The following C3orf22 variants were observed in gnomAD, a reference collection of about 807,000 sequenced individuals.
The protein encoded by C3orf22 is chromosome 3 open reading frame 22, also known as uncharacterized protein C3orf22.
Under a neutral mutation model 10.8 loss-of-function variants are expected in C3orf22, and 7 were observed. That is an observed-to-expected ratio of 0.65 (90% confidence interval 0.37 to 1.22). The LOEUF (loss-of-function observed/expected upper bound fraction) is 1.22. Among genes scored for constraint, C3orf22 ranks in the 50% most tolerant of loss-of-function variants. The probability of loss-of-function intolerance (pLI) is 0.02; values close to 1 mark genes in which losing one functional copy is unlikely to be tolerated. For synonymous variants in C3orf22, 79 were observed against 78.9 expected (o/e 1.00, Z 0.00); for missense variants, 173 against 177.0 (o/e 0.98, Z 0.13).
At chr3:126,529,872 C>A (rs1936615305) in intron 4 of C3orf22, among the ~76,000 whole-genome samples, 1 of 152,372 alleles carries the variant, frequency 6.6e-6, no homozygotes, top group East Asian at 1.9e-4. Context: ...CTGGGATGGG[C>A]CCTCCTGGGC....
At chr3:126,529,702 C>T (rs1184445710) in intron 4 of C3orf22, among the ~76,000 whole-genome samples, 1 of 152,168 alleles carries the variant, frequency 6.6e-6, no homozygotes, top group African/African-American at 2.4e-5. Flanking sequence ...GCCCTGTCGT[C>T]CATCACTGTC....
At chr3:126,553,248 TG>T in intron 2 of C3orf22, 53 bp downstream of exon 2, 1 of 1,271,660 alleles carries the variant, frequency 7.9e-7, no homozygotes, top group Non-Finnish European at 1.2e-6. Flanking sequence ...CCCAGGATGC[TG>T]GGGTGACCTG....
At chr3:126,542,421 GGCCGCCGCGGCCCCGGGGA>G in intron 4 of C3orf22, 1 of 1,550,776 alleles carries the variant, frequency 6.4e-7, no homozygotes, top group Non-Finnish European at 8.7e-7. Flanking sequence ...AGCTTCCCTG[GGCCGCCGCGGCCCCGGGGA>G]GCCGCCGCCT....
downstream of C3orf22, among the ~76,000 whole-genome samples, chr3:126,544,712 A>G (rs1410499785): frequency 6.6e-6 from 1 of 152,156 alleles, no homozygotes; most frequent in Non-Finnish European, 1.5e-5. Context: ...TCACAATTAG[A>G]TGTGCCCTGC....
chr3:126,555,132 G>A (rs1455114689), intron 1 of C3orf22, among the ~76,000 whole-genome samples: 1 of 152,192 alleles, frequency 6.6e-6, no homozygotes, highest in Non-Finnish European at 1.5e-5. Flanking sequence ...GCTTCCCTGG[G>A]TGTGGTTCTA....
At chr3:126,550,106 G>A (rs766184972) in intron 3 of C3orf22, 28 bp from the exon 4 acceptor site, 2 of 1,611,898 alleles carry the variant, frequency 1.2e-6, no homozygotes, top group East Asian at 2.2e-5. Context: ...AGCCACGCCT[G>A]GCCTTCAGGA....
chr3:126,553,366 A>G lies in C3orf22; in HGVS notation c.25T>C (p.Ser9Pro). Residue 9 changes from serine (S) to proline (P), a missense_variant, in exon 2 of 4, where the codon TCT (serine) becomes CCT (proline). Physicochemically the swap from Ser to Pro is moderately conservative, Grantham distance 74 (BLOSUM62 -1). Coordinates refer to ENST00000318225, the MANE Select transcript of C3orf22 (RefSeq NM_152533.3). ...ATCCTCCACTTCTTACTCTGGTGAG[A>G]CTTCTTGCAGGCACTGGAGTCCATC... MDSSACKK[S>P]HQSKKWRIQA... 1 of 1,613,640 alleles carries G rather than the reference A, an allele frequency of 6.2e-7. No individual in the cohort carries two copies. The highest frequency in any genetic ancestry group is 8.5e-7 in the Non-Finnish European group (1 of 1,179,964).
chr3:126,544,219 G>T (rs1169960578), intron 4 of C3orf22, among the ~76,000 whole-genome samples: 1 of 152,104 alleles, frequency 6.6e-6, no homozygotes, highest in Non-Finnish European at 1.5e-5. Context: ...CAGACCTGAG[G>T]TAGTGTACTC....
At chr3:126,542,885 T>C (rs1424737549) in intron 4 of C3orf22, 4 of 257,412 alleles carry the variant, frequency 1.6e-5, no homozygotes, top group African/African-American at 4.5e-5. Context: ...TTTTAGGCTT[T>C]TAAAGGCCAT....
intron 4 of C3orf22, among the ~76,000 whole-genome samples, chr3:126,531,292 G>A (rs72982012): frequency 0.12 from 18,255 of 152,260 alleles, 1,699 homozygotes; most frequent in African/African-American, 0.26. Flanking sequence ...GTTTGGGAAT[G>A]ACTGCCCTAG....
intron 1 of C3orf22, among the ~76,000 whole-genome samples, chr3:126,554,695 T>G (rs1937286214): frequency 6.6e-6 from 1 of 152,158 alleles, no homozygotes. Flanking sequence ...CTGGTGTGTT[T>G]TCATGGTAGC....
intron 5 of C3orf22, among the ~76,000 whole-genome samples, chr3:126,528,521 G>C (rs970607239): frequency 8.5e-5 from 13 of 152,178 alleles, no homozygotes; most frequent in Admixed American, 7.8e-4. Flanking sequence ...TGGGTTTAGA[G>C]ATCACCAAGG....
intron 1 of C3orf22, among the ~76,000 whole-genome samples, chr3:126,556,846 C>A (rs1234141080): frequency 7.2e-6 from 1 of 138,282 alleles, no homozygotes; most frequent in East Asian, 2.1e-4. Context: ...CACACAGACA[C>A]CCCCCACACA....
At chr3:126,545,689 A>G (rs573179907), downstream of C3orf22, among the ~76,000 whole-genome samples, 21 of 152,228 alleles carry the variant, frequency 1.4e-4, no homozygotes, top group Non-Finnish European at 2.6e-4. Context: ...GTGTGTCACC[A>G]GCACACTCCA....
downstream of C3orf22, among the ~76,000 whole-genome samples, chr3:126,544,907 G>A (rs1048625065): frequency 6.6e-6 from 1 of 152,198 alleles, no homozygotes; most frequent in Non-Finnish European, 1.5e-5. Flanking sequence ...GTATGTGCAG[G>A]GCCACAGCCC....
chr3:126,552,272 G>T, intron 2 of C3orf22, 150 bp from the exon 3 acceptor site: 2 of 1,273,240 alleles, frequency 1.6e-6, no homozygotes, highest in Non-Finnish European at 2.1e-6. Flanking sequence ...ATGCTGTGAG[G>T]CAGGTGTTAC....
At chr3:126,536,921 A>ACC (rs1312821065) in intron 4 of C3orf22, among the ~76,000 whole-genome samples, 1 of 146,692 alleles carries the variant, frequency 6.8e-6, no homozygotes, top group African/African-American at 2.7e-5. Context: ...ACACACACAC[A>ACC]CACCCCACAC....
chr3:126,532,535 C>G (rs1425097206), intron 4 of C3orf22, among the ~76,000 whole-genome samples: 1 of 152,206 alleles, frequency 6.6e-6, no homozygotes, highest in Non-Finnish European at 1.5e-5. Context: ...TGTCCTTTCC[C>G]CATTGAATTG....
exon 5 of C3orf22, chr3:126,529,278 T>G: frequency 7.9e-7 from 1 of 1,269,656 alleles, no homozygotes; most frequent in South Asian, 1.2e-5. Flanking sequence ...GCGGGTGTCC[T>G]GTGTGCAGCA....
Sources: allele counts gnomAD v4.1 joint callset (sites outside exome capture counted in the v4.1 genomes callset), GRCh38; gene constraint gnomAD v4.1.1; transcripts MANE v1.5; gene names NCBI Gene and HGNC (gene_info 2026-07-23, HGNC 2026-07-21).